The following ANKFN1 variants were observed in gnomAD, a reference collection of about 807,000 sequenced individuals.
ANKFN1 encodes ankyrin repeat and fibronectin type-III domain-containing protein 1.
In ANKFN1, 74 loss-of-function variants were observed where a neutral mutation model predicts 108.7. That is an observed-to-expected ratio of 0.68 (90% CI 0.56 to 0.83). ANKFN1 has a LOEUF of 0.83. Ranked by LOEUF, ANKFN1 falls within the 40% of genes least tolerant of loss-of-function variation. The probability of loss-of-function intolerance (pLI) is 0.00; values close to 1 mark genes in which losing one functional copy is unlikely to be tolerated. For synonymous variants in ANKFN1, 547 were observed against 516.2 expected (o/e 1.06, Z -0.81); for missense variants, 1,505 against 1,382.3 (o/e 1.09, Z -1.41).
intron 1 of ANKFN1, among the ~76,000 whole-genome samples, chr17:56,163,313 C>T (rs1164878601): frequency 6.6e-6 from 1 of 152,116 alleles, no homozygotes; most frequent in Non-Finnish European, 1.5e-5. Flanking sequence ...TTATTACCTC[C>T]ACTACGCATA....
At chr17:56,292,933 C>G (rs2044404012) in intron 3 of ANKFN1, among the ~76,000 whole-genome samples, 2 of 152,208 alleles carry the variant, frequency 1.3e-5, no homozygotes, top group East Asian at 3.9e-4. Context: ...AATCTAATAA[C>G]TATCACCAGT....
chr17:56,100,248 G>A (rs994098899), intron 4 of ANKFN1, among the ~76,000 whole-genome samples: 5 of 152,160 alleles, frequency 3.3e-5, no homozygotes, highest in African/African-American at 4.8e-5. Context: ...TACAAGTAAC[G>A]GATGAATCAG....
intron 4 of ANKFN1, among the ~76,000 whole-genome samples, chr17:56,094,474 C>A (rs28717988): frequency 1.3e-5 from 1 of 75,966 alleles, no homozygotes; most frequent in South Asian, 4.7e-4. Context: ...GTTGTTTCTT[C>A]TTTTTTTTTT....
At chr17:56,509,738 C>T (rs1456789648) in intron 20 of ANKFN1, among the ~76,000 whole-genome samples, 4 of 152,214 alleles carry the variant, frequency 2.6e-5, no homozygotes, top group Non-Finnish European at 5.9e-5. Flanking sequence ...TCATCTCCTA[C>T]AGTAAGGAAG....
chr17:56,155,980 C>T (rs1193321658), intron 1 of ANKFN1, among the ~76,000 whole-genome samples: 1 of 151,976 alleles, frequency 6.6e-6, no homozygotes, highest in Non-Finnish European at 1.5e-5. Context: ...GTTGGATAGG[C>T]CTGGATTTGA....
chr17:56,069,249 T>C (rs1220477656), intron 4 of ANKFN1, among the ~76,000 whole-genome samples: 1 of 152,216 alleles, frequency 6.6e-6, no homozygotes, highest in Non-Finnish European at 1.5e-5. Flanking sequence ...GGATTTTTCA[T>C]ATAAACCTAT....
chr17:56,187,453 T>A (rs1418771165), intron 1 of ANKFN1, among the ~76,000 whole-genome samples: 2 of 152,130 alleles, frequency 1.3e-5, no homozygotes, highest in African/African-American at 2.4e-5. Context: ...CTGGATAGGA[T>A]GTGGAGAAAT....
At chr17:56,360,969 C>A (rs1027368226) in intron 6 of ANKFN1, among the ~76,000 whole-genome samples, 2 of 151,970 alleles carry the variant, frequency 1.3e-5, no homozygotes, top group Non-Finnish European at 2.9e-5. Flanking sequence ...AAATTTGTAC[C>A]CTTTGATCAA....
Position 56,372,803 on chromosome 17 carries a change from G to A in ANKFN1, c.759G>A (p.Arg253=). 6.2e-7 allele frequency: 1 copy of A among 1,613,932 alleles called. No individual in the cohort carries two copies. Among genetic ancestry groups the A allele is most frequent in the Non-Finnish European group, 8.5e-7 (1 of 1,179,968 alleles). Residue 253 remains arginine (R), a synonymous_variant, in exon 7 of 21, where the codon CGG becomes CGA. Transcript: ENST00000682825. The part of the protein sequence containing the change: ...KQLKAWEWRY[R]LYRRMKTGFE... ...TGAAAGCTTGGGAGTGGAGGTATCG[G>A]CTCTACAGACGCATGAAAACAGGCT...
Position 56,283,843 on chromosome 17 carries a change from C to T in ANKFN1, c.54-42378C>T, listed in dbSNP as rs925344373. ...AATCTCACAAATCACCACTGAAGAACTTACTCATGTAACCAAATACCACCA... is the reference window on the plus strand; with the variant it reads ...AATCTCACAAATCACCACTGAAGAATTTACTCATGTAACCAAATACCACCA... On this transcript the variant is annotated intron_variant, in intron 3 of 20. Transcript: ENST00000682825. 3.9e-5 allele frequency among the ~76,000 whole-genome samples: 6 copies of T among 152,112 alleles called. No individual in the cohort carries two copies. In the East Asian group the frequency reaches 1.2e-3, roughly 29 times the overall value.
chr17:56,335,950 C>A (rs1225139488), intron 4 of ANKFN1, among the ~76,000 whole-genome samples: 1 of 152,176 alleles, frequency 6.6e-6, no homozygotes, highest in African/African-American at 2.4e-5. Context: ...TGTCAAAGGC[C>A]TTTTCTGCAT....
intron 4 of ANKFN1, among the ~76,000 whole-genome samples, chr17:56,052,102 G>A (rs191039253): frequency 6.6e-5 from 10 of 151,710 alleles, no homozygotes; most frequent in South Asian, 2.1e-4. Flanking sequence ...AAAAGAGCCC[G>A]CATTGCCAAG....
At chr17:56,102,630 C>CT (rs10569994) in intron 4 of ANKFN1, among the ~76,000 whole-genome samples, 63 of 149,356 alleles carry the variant, frequency 4.2e-4, no homozygotes, top group East Asian at 3.3e-3. Flanking sequence ...CCTTCCTAGC[C>CT]TTTTTTTTTT....
intron 4 of ANKFN1, among the ~76,000 whole-genome samples, chr17:56,126,255 G>A (rs1906920782): frequency 2.0e-5 from 3 of 151,784 alleles, no homozygotes; most frequent in African/African-American, 4.8e-5. Flanking sequence ...GATTTGATTT[G>A]AGAGATTTTT....
At chr17:56,292,305 A>G (rs1043443942) in intron 3 of ANKFN1, among the ~76,000 whole-genome samples, 8 of 152,106 alleles carry the variant, frequency 5.3e-5, no homozygotes, top group African/African-American at 1.9e-4. Flanking sequence ...AGATTTTAGT[A>G]CTCTTAATCC....
chr17:56,133,634 C>T (rs1487404733), intron 4 of ANKFN1, among the ~76,000 whole-genome samples: 6 of 130,356 alleles, frequency 4.6e-5, no homozygotes, highest in Admixed American at 3.0e-4. Flanking sequence ...GGCTACATTC[C>T]ATCACTCTAC....
intron 4 of ANKFN1, among the ~76,000 whole-genome samples, chr17:56,132,837 A>T (rs1224615925): frequency 6.6e-6 from 1 of 152,082 alleles, no homozygotes; most frequent in South Asian, 2.1e-4. Flanking sequence ...CCTATGCATG[A>T]GTGGGAAGCT....
intron 3 of ANKFN1, among the ~76,000 whole-genome samples, chr17:56,282,532 T>C (rs2044110694): frequency 6.6e-6 from 1 of 152,192 alleles, no homozygotes; most frequent in Non-Finnish European, 1.5e-5. Flanking sequence ...ATAAAGTGTT[T>C]TAATTTTTGA....
intron 3 of ANKFN1, among the ~76,000 whole-genome samples, chr17:56,280,417 T>C (rs1294827352): frequency 1.3e-5 from 2 of 152,128 alleles, no homozygotes; most frequent in Non-Finnish European, 2.9e-5. Context: ...AGTTGCTGGT[T>C]CTTGGGCCTT....
Sources: gnomAD v4.1 joint callset for allele counts (sites outside exome capture counted in the v4.1 genomes callset) on GRCh38, gnomAD v4.1.1 for gene constraint, MANE v1.5 for transcripts, NCBI Gene and HGNC (gene_info 2026-07-23, HGNC 2026-07-21) for gene names.